TMEM132D: variants seen among roughly 807,000 people sequenced by gnomAD.
TMEM132D encodes the protein transmembrane protein 132D.
In TMEM132D, 21 loss-of-function variants were observed where a neutral mutation model predicts 62.3. That is an observed-to-expected ratio of 0.34 (90% CI 0.24 to 0.49). TMEM132D has a LOEUF of 0.49. TMEM132D is among the 20% of genes least tolerant of loss of function. TMEM132D has a pLI of 0.99. For missense variants in TMEM132D, 1,346 were observed against 1,402.8 expected, an observed-to-expected ratio of 0.96 and a Z score of 0.65; for synonymous variants, 621 against 575.6, an observed-to-expected ratio of 1.08 and a Z score of -1.13.
At position 129,207,038 on chromosome 12, in the gene TMEM132D, A is replaced by T. The variant is rs534999055; in HGVS notation, c.1443+2482T>A. 1.1e-4 allele frequency among the ~76,000 whole-genome samples: 17 copies of T among 152,292 alleles called. 1 individual carries two copies. The South Asian group carries it at 3.5e-3, about 32-fold the overall frequency. The stretch of plus-strand genomic sequence containing the variant: ...TGGGTGATGAAACTATCTGTAATCA[A>T]AGCCCTGTGACACGCAGGTGACCTA... On this transcript the variant is annotated intron_variant, in intron 5 of 8. Coordinates refer to ENST00000422113, the MANE Select transcript of TMEM132D (RefSeq NM_133448.3).
At chr12:129,581,071 G>C (rs111648756) in intron 2 of TMEM132D, among the ~76,000 whole-genome samples, 1 of 152,168 alleles carries the variant, frequency 6.6e-6, no homozygotes, top group Non-Finnish European at 1.5e-5. Context: ...GGTCATGGTG[G>C]CTTGGTGTCA....
chr12:129,262,686 G>C (rs902292356), intron 4 of TMEM132D: 1 of 152,212 alleles, frequency 6.6e-6, no homozygotes, highest in Non-Finnish European at 1.5e-5. Flanking sequence ...AGATGAGACT[G>C]TCTCATTGTT....
At chr12:129,454,682 T>A (rs368440564) in intron 3 of TMEM132D, among the ~76,000 whole-genome samples, 13 of 152,334 alleles carry the variant, frequency 8.5e-5, no homozygotes, top group African/African-American at 2.9e-4. Flanking sequence ...AGAAATCACC[T>A]TTTTAGCTGT....
intron 2 of TMEM132D, among the ~76,000 whole-genome samples, chr12:129,579,137 G>A (rs1230581006): frequency 6.6e-6 from 1 of 152,098 alleles, no homozygotes; most frequent in African/African-American, 2.4e-5. Context: ...ATTTTCCAAG[G>A]GAAAAATGCT....
intron 1 of TMEM132D, among the ~76,000 whole-genome samples, chr12:129,860,781 C>T (rs190832227): frequency 1.3e-5 from 2 of 152,238 alleles, no homozygotes; most frequent in Non-Finnish European, 2.9e-5. Flanking sequence ...GGGAAGCAAA[C>T]GTGTCCTTTT....
chr12:129,301,986 G>C (rs900255), intron 4 of TMEM132D, among the ~76,000 whole-genome samples: 90,890 of 151,946 alleles, frequency 0.6, 28,585 homozygotes, highest in East Asian at 0.99. Context: ...AAAAAAAAAC[G>C]TATTGTCTAC....
intron 1 of TMEM132D, among the ~76,000 whole-genome samples, chr12:129,873,480 T>G (rs1203074588): frequency 6.6e-6 from 1 of 152,212 alleles, no homozygotes; most frequent in Non-Finnish European, 1.5e-5. Context: ...TTAAGCTGAT[T>G]CGTCAAAAGC....
chr12:129,397,129 T>A (rs1871454004), intron 3 of TMEM132D, among the ~76,000 whole-genome samples: 1 of 152,226 alleles, frequency 6.6e-6, no homozygotes, highest in African/African-American at 2.4e-5. Context: ...GTCCTGTTTT[T>A]CTGGTTCAAA....
chr12:129,442,604 A>G (rs915734763), intron 3 of TMEM132D, among the ~76,000 whole-genome samples: 1 of 134,016 alleles, frequency 7.5e-6, no homozygotes, highest in African/African-American at 3.2e-5. Flanking sequence ...GAGTATCTTG[A>G]GTGGTATGAC....
intron 4 of TMEM132D, among the ~76,000 whole-genome samples, chr12:129,225,984 C>T (rs1879470734): frequency 6.6e-6 from 1 of 152,188 alleles, no homozygotes; most frequent in Non-Finnish European, 1.5e-5. Flanking sequence ...CCACTTGGTG[C>T]TCAGCCAATG....
At chr12:129,379,397 T>C (rs10773642) in intron 3 of TMEM132D, among the ~76,000 whole-genome samples, 107,240 of 151,962 alleles carry the variant, frequency 0.71, 38,363 homozygotes, top group Non-Finnish European at 0.76. Context: ...TCTCTGTCCG[T>C]AGCAAGACAT....
intron 3 of TMEM132D, among the ~76,000 whole-genome samples, chr12:129,354,297 A>T (rs1483837542): frequency 3.5e-5 from 5 of 142,042 alleles, no homozygotes; most frequent in African/African-American, 1.3e-4. Flanking sequence ...GAGTGATGCA[A>T]AAACTAAACT....
intron 1 of TMEM132D, among the ~76,000 whole-genome samples, chr12:129,841,070 A>C (rs1049803420): frequency 9.2e-5 from 14 of 152,188 alleles, no homozygotes; most frequent in African/African-American, 3.4e-4. Flanking sequence ...AAAAGAATCA[A>C]ATTTTGGCAC....
intron 4 of TMEM132D, among the ~76,000 whole-genome samples, chr12:129,236,962 T>C (rs1281047087): frequency 6.6e-6 from 1 of 152,240 alleles, no homozygotes; most frequent in Non-Finnish European, 1.5e-5. Context: ...CAATTGTTTT[T>C]TCCTGCATCT....
At position 129,208,427 on chromosome 12, in the gene TMEM132D, A is replaced by G. The variant is rs537773362; in HGVS notation, c.1443+1093T>C. Among the ~76,000 whole-genome samples, 5 of 152,268 alleles carry G rather than the reference A, an allele frequency of 3.3e-5. No individual in the cohort carries two copies. The East Asian group carries it at 9.6e-4, about 29-fold the overall frequency. ...TTCCGCTGCCCTGTTGCTTTCTGACATCTCTGCCTTCTCTCTGAAACCCAT... is the reference window on the plus strand; with the variant it reads ...TTCCGCTGCCCTGTTGCTTTCTGACGTCTCTGCCTTCTCTCTGAAACCCAT... On this transcript the variant is annotated intron_variant, in intron 5 of 8. Transcript: ENST00000422113.
chr12:129,535,461 G>A lies in TMEM132D; in HGVS notation c.969-4256C>T, dbSNP rs7959872. On this transcript the variant is annotated intron_variant, in intron 2 of 8. Coordinates refer to ENST00000422113, the MANE Select transcript of TMEM132D (RefSeq NM_133448.3). The stretch of plus-strand genomic sequence containing the variant: ...AACCACCAGGGGACTCCAAATGATG[G>A]GATGTGTCAGCCTCCTAAAGTCTAT... 2.4e-3 allele frequency among the ~76,000 whole-genome samples: 364 copies of A among 152,284 alleles called. 1 individual carries two copies. The highest frequency in any genetic ancestry group is 8.3e-3 in the African/African-American group (346 of 41,562).
chr12:129,697,401 T>C (rs1211116938), intron 2 of TMEM132D, among the ~76,000 whole-genome samples: 1 of 152,234 alleles, frequency 6.6e-6, no homozygotes, highest in African/African-American at 2.4e-5. Context: ...ATAATAATCT[T>C]GCCAGGTCCA....
intron 5 of TMEM132D, among the ~76,000 whole-genome samples, chr12:129,121,978 C>A (rs4964878): frequency 6.6e-6 from 1 of 152,102 alleles, no homozygotes; most frequent in Non-Finnish European, 1.5e-5. Context: ...TTGAGGGAGA[C>A]GAGATGGATG....
chr12:129,391,173 C>G (rs533602195), intron 3 of TMEM132D, among the ~76,000 whole-genome samples: 1 of 152,202 alleles, frequency 6.6e-6, no homozygotes, highest in Non-Finnish European at 1.5e-5. Context: ...TGAGCTCGTT[C>G]ATTCCCCAGC....
Sources: gnomAD v4.1 joint callset for allele counts (sites outside exome capture counted in the v4.1 genomes callset) on GRCh38, gnomAD v4.1.1 for gene constraint, MANE v1.5 for transcripts, NCBI Gene and HGNC (gene_info 2026-07-23, HGNC 2026-07-21) for gene names.